DBT: variants seen among roughly 807,000 people sequenced by gnomAD.
DBT encodes the protein dihydrolipoamide branched chain transacylase E2, also known as lipoamide acyltransferase component of branched-chain alpha-keto acid dehydrogenase complex, mitochondrial.
Under a neutral mutation model 51.3 loss-of-function variants are expected in DBT, and 40 were observed. The ratio of observed to expected loss-of-function variants is 0.78; its 90% CI spans 0.61 to 1.02. The LOEUF is 1.02. DBT is among the 50% of genes least tolerant of loss of function. DBT has a pLI of 0.00. For missense variants in DBT, 510 were observed against 580.2 expected, an observed-to-expected ratio of 0.88 and a Z score of 1.24; for synonymous variants, 181 against 190.4, an observed-to-expected ratio of 0.95 and a Z score of 0.41.
chr1:100,209,648 G>A (rs1157103543), intron 8 of DBT, among the ~76,000 whole-genome samples: 3 of 151,850 alleles, frequency 2.0e-5, no homozygotes, highest in Non-Finnish European at 2.9e-5. Flanking sequence ...TGCAACCTCC[G>A]CCTCCTGGGT....
rs1379168416 is a variant in DBT at position 100,187,155 on chromosome 1, C to T, written c.*9100G>A. 6.6e-6 allele frequency: 1 copy of T among 152,116 alleles called. No homozygotes were observed. The highest frequency in any genetic ancestry group is 1.5e-5 in the Non-Finnish European group (1 of 68,020). The allele number at this position is 152,116 out of a possible 1,614,324, so 9.4% of individuals were successfully genotyped here. ...GATAGTTCTCATATGAAATATATCACCTAAGCAGTAGTAATCAGAATATTC... is the reference window on the plus strand; with the variant it reads ...GATAGTTCTCATATGAAATATATCATCTAAGCAGTAGTAATCAGAATATTC... On this transcript the variant is annotated 3_prime_UTR_variant, in exon 11 of 11. Coordinates refer to ENST00000370132, the MANE Select transcript of DBT (RefSeq NM_001918.5).
intron 2 of DBT, among the ~76,000 whole-genome samples, chr1:100,239,851 CAAAAAAAAA>C (rs56661922): frequency 3.6e-5 from 4 of 111,204 alleles, no homozygotes; most frequent in East Asian, 2.4e-4. Context: ...CAACAGAGCT[CAAAAAAAAA>C]AAAAAAAAAA....
chr1:100,203,115 G>A (rs900185531), intron 10 of DBT, among the ~76,000 whole-genome samples: 14 of 151,998 alleles, frequency 9.2e-5, no homozygotes, highest in Non-Finnish European at 2.1e-4. Flanking sequence ...AACTGAAGGA[G>A]ACAGAGACAC....
At chr1:100,241,366 T>TTGTGTG (rs58256713) in intron 1 of DBT, among the ~76,000 whole-genome samples, 3,719 of 144,052 alleles carry the variant, frequency 0.026, 48 homozygotes, top group Non-Finnish European at 0.029. Flanking sequence ...CTGAAAGGTA[T>TTGTGTG]TGTGTGTGTG....
At position 100,240,827 on chromosome 1, in the gene DBT, C is replaced by T. The variant is rs1371485554; in HGVS notation, c.109G>A (p.Val37Met). 6.2e-7 allele frequency: 1 copy of T among 1,610,018 alleles called. No individual in the cohort carries two copies. Among genetic ancestry groups the T allele is most frequent in the Non-Finnish European group, 8.5e-7 (1 of 1,176,578 alleles). ...GNVHVLKPNY[V>M]CFFGYPSFKY... ...AATGAAGGATAACCAAAGAAACACA[C>T]ATAATTTGGCTTCAAAACATGAACA... is the stretch of plus-strand genomic sequence containing the variant. The change falls in exon 2 of 11, where the codon GTG (valine) becomes ATG (methionine). Residue 37 changes from valine to methionine, a missense_variant. Transcript: ENST00000370132.
At chr1:100,232,198 G>C (rs1348473292) in intron 3 of DBT, among the ~76,000 whole-genome samples, 1 of 152,204 alleles carries the variant, frequency 6.6e-6, no homozygotes, top group Non-Finnish European at 1.5e-5. Flanking sequence ...TATGATGTTT[G>C]ATAGACTGGG....
intron 10 of DBT, among the ~76,000 whole-genome samples, chr1:100,201,976 A>G (rs1331390954): frequency 2.6e-5 from 4 of 152,202 alleles, no homozygotes; most frequent in Admixed American, 1.3e-4. Context: ...GACCATCGAC[A>G]CTATGAAGAA....
rs1660605458 is a variant in DBT at position 100,187,206 on chromosome 1, AC to A, written c.*9048del. The A allele has an allele frequency of 1.3e-5, 2 of 152,204 alleles. No homozygotes were observed. The highest frequency in any genetic ancestry group is 4.8e-5 in the African/African-American group (2 of 41,448). The allele number at this position is 152,204 out of a possible 1,614,324, so 9.4% of individuals were successfully genotyped here. A position where few individuals can be genotyped will look rare whatever the true frequency, so the allele number is the denominator to read the frequency against. On this transcript the variant is annotated 3_prime_UTR_variant, in exon 11 of 11. Coordinates refer to ENST00000370132, the MANE Select transcript of DBT (RefSeq NM_001918.5). ...TGCAAACTTATTGGGGGTAATTTAA[AC>A]CCCAAATCGGAAGAATAGAATAAAA...
Position 100,206,562 on chromosome 1 carries a change from G to A in DBT, c.1092C>T (p.Ile364=). ...LIVPNVKNVQ[I]CSIFDIATEL... ...CAGTGGCGATGTCAAATATAGAGCA[G>A]ATCTGAACATTTTTCACATTAGGGA... The change falls in exon 9 of 11, where the codon ATC becomes ATT. Residue 364 remains isoleucine (I), a synonymous_variant. Transcript: ENST00000370132. The A allele has an allele frequency of 6.2e-7, 1 of 1,611,672 alleles. No individual in the cohort carries two copies. The highest frequency in any genetic ancestry group is 1.1e-5 in the South Asian group (1 of 91,018).
chr1:100,216,105 A>AAT lies in DBT; in HGVS notation c.648_649dup (p.Leu217TyrfsTer20). ...AATTTCAACTTTGGGTGAAGGAGGC[A>AAT]ATATAGCTCCTGTCTGCTTTTCCAA... is the stretch of plus-strand genomic sequence containing the variant. On this transcript the variant is annotated frameshift_variant, in exon 6 of 11. Coordinates refer to ENST00000370132, the MANE Select transcript of DBT (RefSeq NM_001918.5). LOFTEE classifies it high-confidence loss of function. 6.2e-7 allele frequency: 1 copy of AAT among 1,613,686 alleles called. No individual in the cohort carries two copies. The highest frequency in any genetic ancestry group is 8.5e-7 in the Non-Finnish European group (1 of 1,179,608).
intron 3 of DBT, among the ~76,000 whole-genome samples, chr1:100,234,141 G>GAAAA (rs1213407650): frequency 6.6e-6 from 1 of 151,140 alleles, no homozygotes; most frequent in African/African-American, 2.4e-5. Flanking sequence ...ATGAAGTTAG[G>GAAAA]AAAAAAAACA....
At position 100,196,430 on chromosome 1, in the gene DBT, T is replaced by TAAAA; in HGVS notation, c.1282-9_1282-8insTTTT. 2.0e-6 allele frequency: 1 copy of TAAAA among 504,514 alleles called. No individual in the cohort carries two copies. Among genetic ancestry groups the TAAAA allele is most frequent in the South Asian group, 9.1e-5 (1 of 10,964 alleles). The allele number at this position is 504,514 out of a possible 1,614,324, so 31.3% of individuals were successfully genotyped here. ...GTTAAATCGGGGAATGGCCTAGAAA[T>TAAAA]GAAAAAAAAAAAAAAAAAAAAAAAA... On this transcript the variant is annotated splice_polypyrimidine_tract_variant and intron_variant, in intron 10 of 10. Coordinates refer to ENST00000370132, the MANE Select transcript of DBT (RefSeq NM_001918.5).
chr1:100,199,971 C>T (rs538255338), intron 10 of DBT, among the ~76,000 whole-genome samples: 3 of 152,122 alleles, frequency 2.0e-5, no homozygotes, highest in East Asian at 1.9e-4. Flanking sequence ...ACTGGGAGGC[C>T]GTTTGGGCAG....
At chr1:100,249,687 G>T in intron 1 of DBT, 83 bp downstream of exon 1, 1 of 1,372,460 alleles carries the variant, frequency 7.3e-7, no homozygotes, top group Non-Finnish European at 1.0e-6. Flanking sequence ...GCCTGGCACC[G>T]GAGGAGAAAG....
At chr1:100,196,593 T>C (rs548744139) in intron 10 of DBT, among the ~76,000 whole-genome samples, 171 bp from the exon 11 acceptor site, 8 of 152,314 alleles carry the variant, frequency 5.3e-5, no homozygotes, top group South Asian at 2.1e-4. Context: ...TGATTCCTAC[T>C]CTTCCCATCT....
chr1:100,248,568 G>A (rs1156926553), intron 1 of DBT, among the ~76,000 whole-genome samples: 1 of 152,172 alleles, frequency 6.6e-6, no homozygotes, highest in Non-Finnish European at 1.5e-5. Flanking sequence ...AAAGTGCAGA[G>A]GGCCAAAGTC....
intron 3 of DBT, 44 bp downstream of exon 3, chr1:100,235,392 A>T: frequency 1.1e-6 from 1 of 951,022 alleles, no homozygotes; most frequent in Non-Finnish European, 1.7e-6. Context: ...TTTTACTCAA[A>T]TTATTTTTAA....
At chr1:100,230,644 A>C in intron 4 of DBT, 89 bp downstream of exon 4, 1 of 828,364 alleles carries the variant, frequency 1.2e-6, no homozygotes, top group Non-Finnish European at 1.9e-6. Context: ...AAAAAAAACA[A>C]AAAAACAAAG....
intron 10 of DBT, among the ~76,000 whole-genome samples, chr1:100,202,899 G>C (rs902369475): frequency 6.6e-6 from 1 of 152,066 alleles, no homozygotes; most frequent in Non-Finnish European, 1.5e-5. Flanking sequence ...AAGACACAAC[G>C]TACCAGAATC....
Sources: gnomAD v4.1 joint callset for allele counts (sites outside exome capture counted in the v4.1 genomes callset) on GRCh38, gnomAD v4.1.1 for gene constraint, MANE v1.5 for transcripts, NCBI Gene and HGNC (gene_info 2026-07-23, HGNC 2026-07-21) for gene names.